The following F10 variants were observed in gnomAD, a reference collection of about 807,000 sequenced individuals.
F10 encodes the protein Stuart-Prower factor.
A neutral mutation model predicts 37.1 loss-of-function variants in F10; 29 were observed. That is an observed-to-expected ratio of 0.78 (90% CI 0.58 to 1.07). The LOEUF (loss-of-function observed/expected upper bound fraction) is 1.07, where lower values mean the gene tolerates loss of function less well. Among genes scored for constraint, F10 ranks in the 50% least tolerant of loss-of-function variants. The pLI is 0.00. For missense variants in F10, 539 were observed against 667.9 expected, an observed-to-expected ratio of 0.81 and a Z score of 2.13; for synonymous variants, 262 against 268.6, an observed-to-expected ratio of 0.98 and a Z score of 0.24.
rs2036565468 is a variant in F10 at position 113,144,820 on chromosome 13, T to C, written c.747+725T>C. Among the ~76,000 whole-genome samples, 1 of 151,916 alleles carries C rather than the reference T, an allele frequency of 6.6e-6. No homozygotes were observed. The highest frequency in any genetic ancestry group is 2.1e-4 in the South Asian group (1 of 4,806). On this transcript the variant is annotated intron_variant, in intron 6 of 7. Transcript: ENST00000375559. This position sits in a 1 kb window ranked among gnomAD's most constrained non-coding sequence, Gnocchi z 6.4. ...CCTCCACCTCCTGGGTTCAAGCGAT[T>C]CTCATGCCTCAGACTCCCAAGTAGC... is the stretch of plus-strand genomic sequence containing the variant.
intron 5 of F10, among the ~76,000 whole-genome samples, chr13:113,142,368 C>A (rs958490267): frequency 7.0e-6 from 1 of 142,278 alleles, no homozygotes; most frequent in Non-Finnish European, 1.5e-5. Flanking sequence ...AGTGAAACCC[C>A]GTCTCTAGTA....
chr13:113,130,205 G>C (rs2036418695), intron 2 of F10: 2 of 166,914 alleles, frequency 1.2e-5, no homozygotes, highest in Admixed American at 5.7e-5. Context: ...CGGTGCCTGC[G>C]CAGCAGGAAG....
chr13:113,146,192 G>A lies in F10; in HGVS notation c.748-1187G>A, dbSNP rs186378944. On this transcript the variant is annotated intron_variant, in intron 6 of 7. Coordinates refer to ENST00000375559, the MANE Select transcript of F10 (RefSeq NM_000504.4). This position sits in a 1 kb window ranked among gnomAD's most constrained non-coding sequence, Gnocchi z 4.5. ...CCTTCTGTGTGTCAGGCACTGAGCC[G>A]GGTGCTGTGTAGGTGGGATATGAAA... Among the ~76,000 whole-genome samples, 82 of 152,280 alleles carry A rather than the reference G, an allele frequency of 5.4e-4. 1 individual carries two copies. Among genetic ancestry groups the A allele is most frequent in the South Asian group, 1.7e-3 (8 of 4,824 alleles).
intron 2 of F10, among the ~76,000 whole-genome samples, chr13:113,134,989 C>G (rs370079131): frequency 1.4e-4 from 21 of 151,992 alleles, no homozygotes; most frequent in East Asian, 3.9e-4. Context: ...GCCTGTAATC[C>G]CAGCACTTTG....
chr13:113,143,701 G>GAT lies in F10; in HGVS notation c.503-150_503-149insAT. On this transcript the variant is annotated intron_variant, in intron 5 of 7. Coordinates refer to ENST00000375559, the MANE Select transcript of F10 (RefSeq NM_000504.4). The surrounding 1 kb of genome is among the most constrained non-coding windows in gnomAD (Gnocchi z 6.8). ...TGCAGATCCGACCCCTGCCGACGAC[G>GAT]TGGGGCCTCGCCCTGCAAGCCCGCT... 3.7e-5 allele frequency: 43 copies of GAT among 1,157,380 alleles called. No homozygotes were observed. The highest frequency in any genetic ancestry group is 2.2e-4 in the Admixed American group (9 of 41,134). 71.7% of individuals were successfully genotyped at this position (1,157,380 alleles called of 1,614,324 possible).
At chr13:113,147,009 C>T (rs2036588500) in intron 6 of F10, among the ~76,000 whole-genome samples, 1 of 152,198 alleles carries the variant, frequency 6.6e-6, no homozygotes, top group Admixed American at 6.5e-5. Context: ...CCGGTTGAGG[C>T]AGATGATGTT....
chr13:113,141,832 C>T lies in F10; in HGVS notation c.502+782C>T, dbSNP rs140450835. 0.013 allele frequency among the ~76,000 whole-genome samples: 1,958 copies of T among 152,310 alleles called. 29 individuals are homozygous for T. Among genetic ancestry groups the T allele is most frequent in the Middle Eastern group, 0.051 (15 of 294 alleles). On this transcript the variant is annotated intron_variant, in intron 5 of 7. Transcript: ENST00000375559. The surrounding 1 kb of genome is among the most constrained non-coding windows in gnomAD (Gnocchi z 5.4). ...CGTTGGCCTCACCCGGGGGCATATT[C>T]GAAGGGCAGAGTTCCAGGCCCGCCT...
rs527649806 is a variant in F10, at chr13:113,145,082, G to A, written c.747+987G>A. Among the ~76,000 whole-genome samples the A allele has an allele frequency of 9.9e-5, 15 of 152,224 alleles. No homozygotes were observed. In the South Asian group the frequency reaches 1.2e-3, roughly 13 times the overall value. On this transcript the variant is annotated intron_variant, in intron 6 of 7. Coordinates refer to ENST00000375559, the MANE Select transcript of F10 (RefSeq NM_000504.4). ...TTTTTAGTAGAGACGGGGTTTCACC[G>A]TGTTAGCCAGGATGGTCTCCATCTC...
chr13:113,149,266 G>T lies in F10; in HGVS notation c.1216G>T (p.Gly406Cys). ...CATCACCCAGAACATGTTCTGTGCC[G>T]GCTACGACACCAAGCAGGAGGATGC... ...FIITQNMFCA[G>C]YDTKQEDACQ... Residue 406 changes from glycine (G) to cysteine (C), a missense_variant, in exon 8 of 8, where the codon GGC (glycine) becomes TGC (cysteine). By Grantham distance (159) the Gly-to-Cys change is radical. Transcript: ENST00000375559. This position sits in a 1 kb window ranked among gnomAD's most constrained non-coding sequence, Gnocchi z 7.5. The T allele has an allele frequency of 1.2e-6, 2 of 1,613,226 alleles. No homozygotes were observed. Among genetic ancestry groups the T allele is most frequent in the Non-Finnish European group, 8.5e-7 (1 of 1,180,032 alleles).
chr13:113,127,715 A>G (rs1313962985), intron 1 of F10, among the ~76,000 whole-genome samples: 1 of 152,236 alleles, frequency 6.6e-6, no homozygotes, highest in African/African-American at 2.4e-5. Context: ...AGGAAATACT[A>G]ATAAATACTA....
Position 113,149,082 on chromosome 13 carries a change from C to T in F10, c.1032C>T (p.Pro344=), listed in dbSNP as rs41286610. 2,263 of 1,613,262 alleles carry T rather than the reference C, an allele frequency of 1.4e-3. 3 individuals are homozygous for T. The highest frequency in any genetic ancestry group is 1.7e-3 in the Non-Finnish European group (2,062 of 1,180,006). ...FRMNVAPACL[P]ERDWAESTLM... ...TGAACGTGGCGCCTGCCTGCCTCCC[C>T]GAGCGTGACTGGGCCGAGTCCACGC... The change falls in exon 8 of 8, where the codon CCC becomes CCT. Residue 344 remains proline, a synonymous_variant. Transcript: ENST00000375559. The surrounding 1 kb of genome is among the most constrained non-coding windows in gnomAD (Gnocchi z 7.5).
intron 7 of F10, 143 bp downstream of exon 7, chr13:113,147,639 A>G (rs2036594474): frequency 1.5e-6 from 1 of 665,828 alleles, no homozygotes; most frequent in South Asian, 1.6e-5. Context: ...GGCATTTCAC[A>G]GAGGAAGAAG....
chr13:113,135,624 C>G (rs1050068823), intron 2 of F10, among the ~76,000 whole-genome samples: 3 of 152,142 alleles, frequency 2.0e-5, no homozygotes, highest in Non-Finnish European at 4.4e-5. Context: ...ATTACATTGT[C>G]GATTAAATTT....
At chr13:113,126,734 C>G (rs1198596371) in intron 1 of F10, among the ~76,000 whole-genome samples, 1 of 152,216 alleles carries the variant, frequency 6.6e-6, no homozygotes, top group Non-Finnish European at 1.5e-5. Context: ...TCTTCAGACC[C>G]CAACTGGAGC....
At chr13:113,147,047 C>T (rs920606385) in intron 6 of F10, among the ~76,000 whole-genome samples, 1 of 152,228 alleles carries the variant, frequency 6.6e-6, no homozygotes, top group African/African-American at 2.4e-5. Context: ...CTCCTGGTCC[C>T]AGGTAGAAAT....
Position 113,141,110 on chromosome 13 carries a change from G to A in F10, c.502+60G>A. 4 of 1,605,940 alleles carry A rather than the reference G, an allele frequency of 2.5e-6. No homozygotes were observed. Among genetic ancestry groups the A allele is most frequent in the Non-Finnish European group, 3.4e-6 (4 of 1,178,698 alleles). The stretch of plus-strand genomic sequence containing the variant: ...CGCTGGGCCGGGCCAGGGAGGACAA[G>A]CCCGTGCCAGGGGGTGGGGACACAG... On this transcript the variant is annotated intron_variant, in intron 5 of 7. Transcript: ENST00000375559. The surrounding 1 kb of genome is among the most constrained non-coding windows in gnomAD (Gnocchi z 5.4).
At chr13:113,131,206 T>G (rs1341443952) in intron 2 of F10, 1 of 152,232 alleles carries the variant, frequency 6.6e-6, no homozygotes, top group East Asian at 1.9e-4. Flanking sequence ...GACATTAACT[T>G]GTATTTGAGA....
rs369460840 is a variant in F10 at position 113,144,111 on chromosome 13, C to T, written c.747+16C>T. 8.0e-5 allele frequency: 129 copies of T among 1,613,300 alleles called. No individual in the cohort carries two copies. In the African/African-American group the frequency reaches 1.5e-3, roughly 19 times the overall value. On this transcript the variant is annotated intron_variant, in intron 6 of 7. Coordinates refer to ENST00000375559, the MANE Select transcript of F10 (RefSeq NM_000504.4). The surrounding 1 kb of genome is among the most constrained non-coding windows in gnomAD (Gnocchi z 6.4). ...TCCCTGGCAGGTAACAGTAGGATGTCCCCTCGGGCCTGCTGGAGAGACCAC... is the reference window on the plus strand; with the variant it reads ...TCCCTGGCAGGTAACAGTAGGATGTTCCCTCGGGCCTGCTGGAGAGACCAC...
intron 2 of F10, among the ~76,000 whole-genome samples, chr13:113,133,599 C>T (rs1317551385): frequency 6.6e-6 from 1 of 151,988 alleles, no homozygotes; most frequent in Non-Finnish European, 1.5e-5. Context: ...AGAATTTTAC[C>T]AAACATTTCA....
Sources: allele counts gnomAD v4.1 joint callset (sites outside exome capture counted in the v4.1 genomes callset), GRCh38; gene constraint gnomAD v4.1.1; non-coding constraint Gnocchi (gnomAD v3.1); transcripts MANE v1.5; gene names NCBI Gene and HGNC (gene_info 2026-07-23, HGNC 2026-07-21).